MALRD1: variants seen among roughly 807,000 people sequenced by gnomAD.
The protein encoded by MALRD1 is MAM and LDL-receptor class A domain-containing protein 1.
In MALRD1, 247 loss-of-function variants were observed where a neutral mutation model predicts 242.1. The ratio of observed to expected loss-of-function variants is 1.02; its 90% CI spans 0.92 to 1.13. The LOEUF is 1.13. Ranked by LOEUF, MALRD1 falls within the 50% of genes most tolerant of loss-of-function variation. The pLI is 0.00. For synonymous variants in MALRD1, 995 were observed against 866.6 expected, an observed-to-expected ratio of 1.15 and a Z score of -2.60; for missense variants, 2,989 against 2,533.1, an observed-to-expected ratio of 1.18 and a Z score of -3.86.
At chr10:19,054,596 C>T (rs10826891) in intron 1 of MALRD1, among the ~76,000 whole-genome samples, 104,391 of 152,092 alleles carry the variant, frequency 0.69, 36,697 homozygotes, top group African/African-American at 0.85. Flanking sequence ...ATCATCATTT[C>T]ATTTTCTGCT....
At chr10:19,629,776 C>T (rs1256567148) in intron 36 of MALRD1, among the ~76,000 whole-genome samples, 1 of 152,254 alleles carries the variant, frequency 6.6e-6, no homozygotes, top group South Asian at 2.1e-4. Flanking sequence ...CACAATTTCC[C>T]CAATCAGGCC....
At chr10:19,430,179 G>A (rs1360296608) in intron 28 of MALRD1, among the ~76,000 whole-genome samples, 1 of 136,642 alleles carries the variant, frequency 7.3e-6, no homozygotes, top group Admixed American at 8.0e-5. Context: ...CAGTGGCACA[G>A]TCTTGGCTCA....
intron 10 of MALRD1, among the ~76,000 whole-genome samples, chr10:19,140,589 T>C (rs1366043397): frequency 1.4e-5 from 2 of 144,240 alleles, no homozygotes; most frequent in African/African-American, 4.9e-5. Context: ...TGTATATGTG[T>C]TCACAATGGA....
Position 19,607,164 on chromosome 10 carries a change from G to A in MALRD1, c.5945-613G>A, listed in dbSNP as rs148362751. 2.4e-3 allele frequency among the ~76,000 whole-genome samples: 370 copies of A among 152,276 alleles called. 3 individuals are homozygous for A. Among genetic ancestry groups the A allele is most frequent in the Admixed American group, 6.5e-3 (100 of 15,286 alleles). On this transcript the variant is annotated intron_variant, in intron 34 of 39. Coordinates refer to ENST00000454679, the MANE Select transcript of MALRD1 (RefSeq NM_001142308.3). ...ATTGAAGTCAGATCAGTGTCTGCTT[G>A]CATTTCATGCAATGCATTTGATGAT...
intron 36 of MALRD1, among the ~76,000 whole-genome samples, chr10:19,657,587 A>G (rs1841219371): frequency 6.6e-6 from 1 of 152,120 alleles, no homozygotes; most frequent in Non-Finnish European, 1.5e-5. Context: ...TATTAGGCAT[A>G]TATATAATGG....
rs1482278786 is a variant in MALRD1, at chr10:19,689,235, TGTGTGTGTGTGTGTATCTGTAC to T, written c.6138-3036_6138-3015del. On this transcript the variant is annotated intron_variant, in intron 36 of 39. Coordinates refer to ENST00000454679, the MANE Select transcript of MALRD1 (RefSeq NM_001142308.3). ...CAAAACTGATATATAGATACCTCTG[TGTGTGTGTGTGTGTATCTGTAC>T]GTGTGTGTGTTCTATGAGAAGGTAA... is the stretch of plus-strand genomic sequence containing the variant. 2.7e-5 allele frequency among the ~76,000 whole-genome samples: 4 copies of T among 150,604 alleles called. 1 individual carries two copies. The East Asian group carries it at 7.8e-4, about 29-fold the overall frequency.
intron 5 of MALRD1, among the ~76,000 whole-genome samples, chr10:19,120,318 G>A (rs577224945): frequency 2.0e-5 from 3 of 152,096 alleles, no homozygotes; most frequent in African/African-American, 7.2e-5. Flanking sequence ...GGAGGGATCA[G>A]CTCTGTCCAA....
At chr10:19,475,330 G>A (rs1836682134) in intron 29 of MALRD1, among the ~76,000 whole-genome samples, 1 of 152,294 alleles carries the variant, frequency 6.6e-6, no homozygotes, top group South Asian at 2.1e-4. Context: ...CAGGAGAATG[G>A]TGTGAACCCA....
At chr10:19,525,840 A>G (rs1050314545) in intron 31 of MALRD1, among the ~76,000 whole-genome samples, 4 of 152,318 alleles carry the variant, frequency 2.6e-5, no homozygotes, top group South Asian at 4.1e-4. Flanking sequence ...AAATTAATTG[A>G]ATGCATTCTG....
Position 19,099,765 on chromosome 10 carries a change from T to TA in MALRD1, c.598-4214_598-4213insA, listed in dbSNP as rs1564390649. 2.3e-3 allele frequency among the ~76,000 whole-genome samples: 326 copies of TA among 142,530 alleles called. 1 individual carries two copies. The highest frequency in any genetic ancestry group is 8.5e-3 in the African/African-American group (314 of 36,998). The allele number at this position is 142,530 out of a possible 152,430, so 93.5% of individuals were successfully genotyped here. On this transcript the variant is annotated intron_variant, in intron 4 of 39. Transcript: ENST00000454679. ...CCATAGAACCTATATATATATATATTTTTTTTAATTTTTTTTGCCAGATGG... is the reference window on the plus strand; with the variant it reads ...CCATAGAACCTATATATATATATATTATTTTTTAATTTTTTTTGCCAGATGG...
chr10:19,295,147 A>G (rs551546327), intron 21 of MALRD1, among the ~76,000 whole-genome samples: 2 of 152,234 alleles, frequency 1.3e-5, no homozygotes, highest in South Asian at 4.1e-4. Flanking sequence ...CACATGTCAC[A>G]TCATGTACTG....
intron 18 of MALRD1, among the ~76,000 whole-genome samples, chr10:19,238,543 ATATAT>A (rs1838584617): frequency 2.3e-5 from 2 of 88,842 alleles, no homozygotes; most frequent in Non-Finnish European, 4.4e-5. Flanking sequence ...ATTATATATA[ATATAT>A]AATGTATATT....
chr10:19,730,907 A>G, intron 39 of MALRD1, 126 bp downstream of exon 39: 1 of 889,254 alleles, frequency 1.1e-6, no homozygotes, highest in Non-Finnish European at 1.7e-6. Context: ...GAAATGTTTT[A>G]GTGGAGTTAT....
chr10:19,330,242 T>A (rs1247064852), intron 23 of MALRD1, among the ~76,000 whole-genome samples: 3 of 152,088 alleles, frequency 2.0e-5, no homozygotes, highest in Non-Finnish European at 4.4e-5. Context: ...GTTATATTTT[T>A]TTTTTGATAA....
At chr10:19,219,898 C>A (rs964217200) in intron 18 of MALRD1, among the ~76,000 whole-genome samples, 1 of 152,030 alleles carries the variant, frequency 6.6e-6, no homozygotes, top group African/African-American at 2.4e-5. Flanking sequence ...TAGAACACCA[C>A]CAGCAGAAGA....
In MALRD1 at chr10:19,402,248, G is replaced by A. The variant is rs548937914; in HGVS notation, c.4845+12639G>A. Reference sequence around the variant, plus strand: ...TCACCAAACTTGAGTCCCAGAGATTGAGACCATCATGGGCAACGTAGCAAG... The same window carrying A: ...TCACCAAACTTGAGTCCCAGAGATTAAGACCATCATGGGCAACGTAGCAAG... On this transcript the variant is annotated intron_variant, in intron 28 of 39. Transcript: ENST00000454679. Among the ~76,000 whole-genome samples the A allele has an allele frequency of 2.0e-5, 3 of 152,252 alleles. No individual in the cohort carries two copies. In the South Asian group the frequency reaches 6.2e-4, roughly 32 times the overall value.
intron 8 of MALRD1, among the ~76,000 whole-genome samples, chr10:19,129,470 T>C (rs1837384899): frequency 6.6e-6 from 1 of 152,036 alleles, no homozygotes; most frequent in South Asian, 2.1e-4. Flanking sequence ...ATCTAGAAGC[T>C]CTCTGAAACC....
intron 18 of MALRD1, among the ~76,000 whole-genome samples, chr10:19,219,815 T>C (rs994557363): frequency 7.3e-6 from 1 of 137,178 alleles, no homozygotes; most frequent in African/African-American, 2.7e-5. Flanking sequence ...AGATAGTGCC[T>C]GCAGATCTGG....
intron 31 of MALRD1, among the ~76,000 whole-genome samples, chr10:19,508,553 C>T (rs756164009): frequency 1.3e-5 from 2 of 152,106 alleles, no homozygotes; most frequent in African/African-American, 2.4e-5. Flanking sequence ...AACTATTGAG[C>T]CCTTGAAATG....
Sources: gnomAD v4.1 joint callset for allele counts (sites outside exome capture counted in the v4.1 genomes callset) on GRCh38, gnomAD v4.1.1 for gene constraint, MANE v1.5 for transcripts, NCBI Gene and HGNC (gene_info 2026-07-23, HGNC 2026-07-21) for gene names.